PCDH7: variants seen among roughly 807,000 people sequenced by gnomAD.
PCDH7 encodes the protein protocadherin-7.
A neutral mutation model predicts 58.9 loss-of-function variants in PCDH7; 17 were observed. The observed-to-expected ratio is 0.29, with a 90% confidence interval of 0.20 to 0.43. PCDH7 has a LOEUF of 0.43. PCDH7 is among the 20% of genes least tolerant of loss of function. PCDH7 has a pLI of 1.00. For synonymous variants in PCDH7, 664 were observed against 616.4 expected (o/e 1.08, Z -1.14); for missense variants, 1,274 against 1,441.0 (o/e 0.88, Z 1.88).
At chr4:30,830,180 C>T (rs539348358) in intron 1 of PCDH7, among the ~76,000 whole-genome samples, 1 of 152,024 alleles carries the variant, frequency 6.6e-6, no homozygotes, top group East Asian at 1.9e-4. Context: ...AATATGAATG[C>T]TTTGAAAAGT....
intron 1 of PCDH7, among the ~76,000 whole-genome samples, chr4:30,863,245 A>G (rs1004292405): frequency 6.6e-6 from 1 of 152,096 alleles, no homozygotes; most frequent in African/African-American, 2.4e-5. Flanking sequence ...TCATTTCCTG[A>G]TTATGCAGTT....
chr4:31,013,592 TACAC>T (rs138674335), intron 3 of PCDH7, among the ~76,000 whole-genome samples: 42 of 146,352 alleles, frequency 2.9e-4, no homozygotes, highest in Non-Finnish European at 3.2e-4. Flanking sequence ...ATATATTTTA[TACAC>T]ACACACACAC....
At chr4:31,025,038 C>T (rs998895451) in intron 3 of PCDH7, among the ~76,000 whole-genome samples, 1 of 152,122 alleles carries the variant, frequency 6.6e-6, no homozygotes, top group South Asian at 2.1e-4. Flanking sequence ...CCACTGCGCC[C>T]GGCCTGTGTG....
chr4:30,977,823 A>T (rs755169269), intron 3 of PCDH7, among the ~76,000 whole-genome samples: 5 of 152,182 alleles, frequency 3.3e-5, no homozygotes, highest in Non-Finnish European at 5.9e-5. Flanking sequence ...TCATCTGATC[A>T]AGTTATTTTA....
chr4:30,983,370 A>G (rs1750724779), intron 3 of PCDH7, among the ~76,000 whole-genome samples: 1 of 152,246 alleles, frequency 6.6e-6, no homozygotes, highest in Admixed American at 6.5e-5. Context: ...TATTTGGACA[A>G]AGATGAAAAT....
chr4:31,040,138 T>C (rs1755732407), intron 3 of PCDH7, among the ~76,000 whole-genome samples: 1 of 152,228 alleles, frequency 6.6e-6, no homozygotes, highest in Non-Finnish European at 1.5e-5. Context: ...TGTTTTTCGA[T>C]GTATACTGCA....
intron 3 of PCDH7, among the ~76,000 whole-genome samples, chr4:30,961,388 C>CAA (rs36009331): frequency 1.4e-4 from 20 of 143,858 alleles, no homozygotes; most frequent in African/African-American, 3.8e-4. Context: ...ACTAAAAATA[C>CAA]AAAAAAAAAA....
intron 3 of PCDH7, among the ~76,000 whole-genome samples, chr4:31,020,670 T>A (rs908737865): frequency 3.3e-5 from 5 of 152,230 alleles, no homozygotes; most frequent in African/African-American, 1.2e-4. Context: ...AAACACTTTG[T>A]CTTCTATAAA....
intron 3 of PCDH7, among the ~76,000 whole-genome samples, chr4:31,007,683 G>A (rs1752882270): frequency 6.6e-6 from 1 of 151,624 alleles, no homozygotes; most frequent in African/African-American, 2.4e-5. Flanking sequence ...TATGCTAATG[G>A]AAATTACTTG....
intron 3 of PCDH7, among the ~76,000 whole-genome samples, chr4:31,056,094 C>T (rs768819650): frequency 2.0e-5 from 3 of 151,912 alleles, no homozygotes; most frequent in East Asian, 1.9e-4. Context: ...GAGAGCCGGG[C>T]GTGGTGGCTC....
intron 2 of PCDH7, among the ~76,000 whole-genome samples, chr4:30,936,960 A>AAC (rs948828627): frequency 3.4e-5 from 4 of 116,798 alleles, no homozygotes; most frequent in African/African-American, 7.7e-5. Context: ...GTTCATTCAG[A>AAC]ACACACACAC....
chr4:31,089,586 AC>A (rs1350226846), intron 3 of PCDH7, among the ~76,000 whole-genome samples: 2 of 152,078 alleles, frequency 1.3e-5, no homozygotes, highest in Non-Finnish European at 2.9e-5. Flanking sequence ...TTAAATCATA[AC>A]CATGTTTTAA....
chr4:31,121,477 C>T (rs1717687288), intron 3 of PCDH7, among the ~76,000 whole-genome samples: 1 of 152,128 alleles, frequency 6.6e-6, no homozygotes, highest in South Asian at 2.1e-4. Context: ...GTCCGATATC[C>T]TGTGCCTTGC....
At chr4:30,804,534 TAA>T (rs200449475) in intron 1 of PCDH7, among the ~76,000 whole-genome samples, 76 of 125,762 alleles carry the variant, frequency 6.0e-4, no homozygotes, top group Non-Finnish European at 7.5e-4. Context: ...CAAGACTATC[TAA>T]AAAAAAAAAA....
At chr4:31,005,204 G>T (rs1194388034) in intron 3 of PCDH7, among the ~76,000 whole-genome samples, 2 of 152,170 alleles carry the variant, frequency 1.3e-5, no homozygotes, top group African/African-American at 2.4e-5. Flanking sequence ...TGTTGTTGAG[G>T]TTATGAGGAA....
chr4:30,807,702 G>A (rs1270112027), intron 1 of PCDH7, among the ~76,000 whole-genome samples: 2 of 151,960 alleles, frequency 1.3e-5, no homozygotes, highest in Non-Finnish European at 2.9e-5. Context: ...TTAAAGATGT[G>A]ATGGAGCAAA....
intron 1 of PCDH7, among the ~76,000 whole-genome samples, chr4:30,756,336 A>C (rs1036881469): frequency 1.3e-5 from 2 of 152,012 alleles, no homozygotes; most frequent in Non-Finnish European, 2.9e-5. Context: ...ACAGCACCAC[A>C]CGGGGGATCA....
At chr4:30,853,379 A>G (rs1359811406) in intron 1 of PCDH7, among the ~76,000 whole-genome samples, 1 of 152,058 alleles carries the variant, frequency 6.6e-6, no homozygotes, top group African/African-American at 2.4e-5. Context: ...TCCATTTACC[A>G]TTTATCAAGT....
intron 1 of PCDH7, among the ~76,000 whole-genome samples, chr4:30,797,765 A>G (rs909843348): frequency 2.6e-5 from 4 of 152,206 alleles, no homozygotes; most frequent in African/African-American, 9.6e-5. Flanking sequence ...ACAATGGTTG[A>G]ATACATTTGA....
Sources: allele counts gnomAD v4.1 joint callset (sites outside exome capture counted in the v4.1 genomes callset), GRCh38; gene constraint gnomAD v4.1.1; transcripts MANE v1.5; gene names NCBI Gene and HGNC (gene_info 2026-07-23, HGNC 2026-07-21).